Variants in PDE11A observed in about 807,000 individuals in gnomAD.
PDE11A encodes the protein phosphodiesterase 11A, also known as dual 3',5'-cyclic-AMP and -GMP phosphodiesterase 11A.
A neutral mutation model predicts 100.5 loss-of-function variants in PDE11A; 100 were observed. The observed-to-expected ratio is 1.00, with a 90% CI of 0.85 to 1.18. The LOEUF (loss-of-function observed/expected upper bound fraction) is 1.18. PDE11A is among the 50% of genes most tolerant of loss of function. The probability of loss-of-function intolerance (pLI) is 0.00; values close to 1 mark genes in which losing one functional copy is unlikely to be tolerated. For missense variants in PDE11A, 1,141 were observed against 1,152.6 expected, an observed-to-expected ratio of 0.99 and a Z score of 0.15; for synonymous variants, 381 against 420.8, an observed-to-expected ratio of 0.91 and a Z score of 1.16.
At chr2:177,908,421 G>C (rs533425037) in intron 2 of PDE11A, among the ~76,000 whole-genome samples, 1 of 152,310 alleles carries the variant, frequency 6.6e-6, no homozygotes, top group East Asian at 1.9e-4. Context: ...GAAGGCCAGA[G>C]TAGAAAGTTG....
At chr2:177,845,247 G>A (rs1408075527) in intron 5 of PDE11A, among the ~76,000 whole-genome samples, 6 of 151,346 alleles carry the variant, frequency 4.0e-5, no homozygotes, top group Admixed American at 6.6e-5. Context: ...GGTGGCTGCC[G>A]GGCGGAGGGG....
chr2:177,676,039 T>C (rs1448104990), intron 16 of PDE11A: 1 of 215,528 alleles, frequency 4.6e-6, no homozygotes, highest in Non-Finnish European at 9.5e-6. Flanking sequence ...GGGCAAGAGC[T>C]GTATCATTTC....
chr2:178,054,133 A>G (rs1446859873), intron 1 of PDE11A, among the ~76,000 whole-genome samples: 1 of 152,230 alleles, frequency 6.6e-6, no homozygotes, highest in East Asian at 1.9e-4. Flanking sequence ...ACAGCATGGT[A>G]CTGGTACCAA....
chr2:177,812,888 G>T (rs2082968759), intron 9 of PDE11A, among the ~76,000 whole-genome samples: 1 of 119,774 alleles, frequency 8.3e-6, no homozygotes, highest in African/African-American at 3.6e-5. Flanking sequence ...TTCCTCAGGT[G>T]GTGATAATGA....
chr2:177,995,708 G>A (rs1042066582), intron 2 of PDE11A, among the ~76,000 whole-genome samples: 7 of 144,058 alleles, frequency 4.9e-5, no homozygotes, highest in Non-Finnish European at 9.0e-5. Context: ...CAATAATTTT[G>A]ATTAATAACC....
intron 9 of PDE11A, among the ~76,000 whole-genome samples, chr2:177,792,454 T>TC (rs1057474878): frequency 3.9e-5 from 6 of 152,042 alleles, no homozygotes; most frequent in African/African-American, 1.2e-4. Flanking sequence ...TCCATTCCTC[T>TC]CCCCCCATGG....
At chr2:178,085,298 G>T (rs1201808856) in intron 2 of PDE11A, among the ~76,000 whole-genome samples, 2 of 151,966 alleles carry the variant, frequency 1.3e-5, no homozygotes, top group Non-Finnish European at 2.9e-5. Context: ...TGTTATACAG[G>T]GATAAAATAT....
chr2:178,009,520 T>G (rs1189383774), intron 2 of PDE11A, among the ~76,000 whole-genome samples: 1 of 151,542 alleles, frequency 6.6e-6, no homozygotes, highest in Non-Finnish European at 1.5e-5. Context: ...TTAAAGAGCA[T>G]GAGGATTTTA....
At chr2:178,055,743 G>A (rs1401197672) in intron 1 of PDE11A, among the ~76,000 whole-genome samples, 1 of 152,102 alleles carries the variant, frequency 6.6e-6, no homozygotes, top group Non-Finnish European at 1.5e-5. Flanking sequence ...TACAGGAAGA[G>A]ATAGAAAGAA....
At chr2:177,858,787 A>C (rs36161140) in intron 5 of PDE11A, among the ~76,000 whole-genome samples, 15,887 of 152,200 alleles carry the variant, frequency 0.1, 1,143 homozygotes, top group Non-Finnish European at 0.15. Context: ...CTATAAAGAC[A>C]CATGCACACA....
intron 2 of PDE11A, among the ~76,000 whole-genome samples, chr2:177,914,923 T>C (rs1165894850): frequency 1.3e-5 from 2 of 152,218 alleles, no homozygotes; most frequent in Non-Finnish European, 2.9e-5. Context: ...GGCAGAATCA[T>C]ATAGCATGTG....
chr2:178,064,442 C>T (rs951638401), intron 1 of PDE11A, among the ~76,000 whole-genome samples: 41 of 152,276 alleles, frequency 2.7e-4, no homozygotes, highest in South Asian at 6.2e-4. Flanking sequence ...CACTTACCAA[C>T]GGAGTCACTT....
intron 1 of PDE11A, among the ~76,000 whole-genome samples, chr2:178,032,396 A>G (rs2086559745): frequency 6.6e-6 from 1 of 151,598 alleles, no homozygotes; most frequent in Non-Finnish European, 1.5e-5. Context: ...AGGCAGGAGA[A>G]TTGCTTGAAC....
chr2:177,873,501 A>G (rs1427031234), intron 5 of PDE11A, among the ~76,000 whole-genome samples: 1 of 152,078 alleles, frequency 6.6e-6, no homozygotes, highest in Non-Finnish European at 1.5e-5. Context: ...CTTACCAAAG[A>G]CCTCTTTTTC....
At chr2:177,908,460 A>T (rs1163815376) in intron 2 of PDE11A, among the ~76,000 whole-genome samples, 1 of 152,202 alleles carries the variant, frequency 6.6e-6, no homozygotes, top group Non-Finnish European at 1.5e-5. Flanking sequence ...GCCTGTCAGC[A>T]GGTAGCAGGG....
intron 4 of PDE11A, among the ~76,000 whole-genome samples, chr2:177,882,002 A>T (rs890997864): frequency 6.6e-6 from 1 of 152,238 alleles, no homozygotes; most frequent in Non-Finnish European, 1.5e-5. Context: ...TTGGAGACAT[A>T]ATCTTTTAAT....
chr2:177,632,951 T>G (rs1356558026), intron 19 of PDE11A, among the ~76,000 whole-genome samples: 2 of 152,158 alleles, frequency 1.3e-5, no homozygotes, highest in Non-Finnish European at 2.9e-5. Flanking sequence ...TTTCCCAGGC[T>G]CCCCAGAATT....
At chr2:177,925,798 A>C (rs148488647) in intron 2 of PDE11A, among the ~76,000 whole-genome samples, 338 of 152,360 alleles carry the variant, frequency 2.2e-3, no homozygotes, top group African/African-American at 7.5e-3. Context: ...GAAGAAGAAA[A>C]CCTTGAAAAA....
At chr2:178,009,149 T>A (rs2086246611) in intron 2 of PDE11A, among the ~76,000 whole-genome samples, 2 of 152,188 alleles carry the variant, frequency 1.3e-5, no homozygotes, top group African/African-American at 2.4e-5. Context: ...AGATCACAAA[T>A]GTTTGCTCCT....
Sources: allele counts gnomAD v4.1 joint callset (sites outside exome capture counted in the v4.1 genomes callset), GRCh38; gene constraint gnomAD v4.1.1; transcripts MANE v1.5; gene names NCBI Gene and HGNC (gene_info 2026-07-23, HGNC 2026-07-21).